The following LRP1B variants were observed in gnomAD, a reference collection of about 807,000 sequenced individuals.
LRP1B encodes low-density lipoprotein receptor-related protein 1B.
In LRP1B, 217 loss-of-function variants were observed where a neutral mutation model predicts 556.6. That is an observed-to-expected ratio of 0.39 (90% CI 0.35 to 0.44). The LOEUF is 0.44. Among genes scored for constraint, LRP1B ranks in the 20% least tolerant of loss-of-function variants. The probability of loss-of-function intolerance (pLI) is 1.00; values close to 1 mark genes in which losing one functional copy is unlikely to be tolerated. For missense variants in LRP1B, 5,053 were observed against 5,620.8 expected, an observed-to-expected ratio of 0.90 and a Z score of 3.23; for synonymous variants, 2,047 against 1,865.8, an observed-to-expected ratio of 1.10 and a Z score of -2.50.
At chr2:141,512,770 T>TAA (rs34559448) in intron 2 of LRP1B, among the ~76,000 whole-genome samples, 8 of 150,104 alleles carry the variant, frequency 5.3e-5, no homozygotes, top group South Asian at 2.1e-4. Context: ...CATCTTCAGT[T>TAA]AAAAAAAAAA....
chr2:141,400,675 T>A (rs1339341689), intron 3 of LRP1B, among the ~76,000 whole-genome samples: 1 of 152,212 alleles, frequency 6.6e-6, no homozygotes, highest in East Asian at 1.9e-4. Context: ...CTTAATATGG[T>A]CCATTTATTT....
Position 140,716,674 on chromosome 2 carries a change from G to C in LRP1B, c.5893+8C>G, listed in dbSNP as rs542281566. ...TGAAACAGAAAGATAAAAAGCCATG[G>C]ATTATACCAGCAATCCAGTCAACAG... On this transcript the variant is annotated splice_region_variant and intron_variant, in intron 36 of 90. Coordinates refer to ENST00000389484, the MANE Select transcript of LRP1B (RefSeq NM_018557.3). 6.2e-7 allele frequency: 1 copy of C among 1,601,800 alleles called. No individual in the cohort carries two copies. The highest frequency in any genetic ancestry group is 1.3e-5 in the African/African-American group (1 of 74,142).
intron 1 of LRP1B, among the ~76,000 whole-genome samples, chr2:141,958,377 T>C (rs2105049164): frequency 6.6e-6 from 1 of 152,092 alleles, no homozygotes; most frequent in South Asian, 2.1e-4. Context: ...ATGAAGTCAT[T>C]TGCAGTAAGC....
At chr2:140,485,290 C>A in intron 59 of LRP1B, 53 bp downstream of exon 59, 1 of 1,406,296 alleles carries the variant, frequency 7.1e-7, no homozygotes, top group Middle Eastern at 1.8e-4. Flanking sequence ...AGATTTACTA[C>A]TATGAATGTA....
At chr2:140,446,335 A>G (rs1041114774) in intron 63 of LRP1B, among the ~76,000 whole-genome samples, 4 of 152,178 alleles carry the variant, frequency 2.6e-5, no homozygotes, top group African/African-American at 9.7e-5. Flanking sequence ...TAAGTGTATT[A>G]GAGTATTATA....
intron 2 of LRP1B, among the ~76,000 whole-genome samples, chr2:141,620,662 C>T (rs1440155779): frequency 1.3e-5 from 2 of 152,128 alleles, no homozygotes; most frequent in African/African-American, 2.4e-5. Context: ...CTGTTCAAAT[C>T]ACTCATGGTG....
intron 20 of LRP1B, among the ~76,000 whole-genome samples, chr2:140,929,856 A>G (rs1266814084): frequency 6.6e-6 from 1 of 151,122 alleles, no homozygotes; most frequent in Non-Finnish European, 1.5e-5. Context: ...TCTCAAACCC[A>G]TTTCTCAATA....
At chr2:141,942,657 G>A (rs1307971457) in intron 1 of LRP1B, among the ~76,000 whole-genome samples, 1 of 152,154 alleles carries the variant, frequency 6.6e-6, no homozygotes, top group Non-Finnish European at 1.5e-5. Context: ...TCCTGAACAA[G>A]ATATCAGATT....
At chr2:140,600,972 C>T (rs943838141) in intron 42 of LRP1B, among the ~76,000 whole-genome samples, 1 of 151,430 alleles carries the variant, frequency 6.6e-6, no homozygotes, top group African/African-American at 2.4e-5. Flanking sequence ...TATTATCAAG[C>T]ACCTAGTGCT....
At chr2:141,223,874 A>G (rs1683138509) in intron 6 of LRP1B, among the ~76,000 whole-genome samples, 1 of 152,196 alleles carries the variant, frequency 6.6e-6, no homozygotes, top group Non-Finnish European at 1.5e-5. Flanking sequence ...CCTTATACAA[A>G]AATTAACTCA....
chr2:140,396,938 A>G (rs1402155205), intron 66 of LRP1B, among the ~76,000 whole-genome samples: 3 of 152,128 alleles, frequency 2.0e-5, no homozygotes, highest in Non-Finnish European at 4.4e-5. Context: ...AGATATTACT[A>G]TAACTTTGTA....
chr2:141,141,616 A>G (rs990042596), intron 7 of LRP1B, among the ~76,000 whole-genome samples: 5 of 152,182 alleles, frequency 3.3e-5, no homozygotes, highest in Admixed American at 6.5e-5. Context: ...AAATTTAATT[A>G]CCACATCCTT....
At chr2:141,272,161 T>C (rs1338925113) in intron 3 of LRP1B, among the ~76,000 whole-genome samples, 1 of 152,056 alleles carries the variant, frequency 6.6e-6, no homozygotes, top group African/African-American at 2.4e-5. Flanking sequence ...TGACTTAATA[T>C]GTATAACAAT....
intron 35 of LRP1B, among the ~76,000 whole-genome samples, chr2:140,745,271 T>C (rs1317212498): frequency 6.6e-6 from 1 of 152,120 alleles, no homozygotes; most frequent in Non-Finnish European, 1.5e-5. Context: ...AAGTTGAAGG[T>C]AAACCCTTTC....
intron 1 of LRP1B, among the ~76,000 whole-genome samples, chr2:142,118,086 C>T (rs1707335264): frequency 6.6e-6 from 1 of 152,214 alleles, no homozygotes; most frequent in African/African-American, 2.4e-5. Context: ...TTTCTTTTGC[C>T]TGCAGAAGGG....
intron 1 of LRP1B, among the ~76,000 whole-genome samples, chr2:141,885,771 G>C (rs78391133): frequency 6.6e-6 from 1 of 152,250 alleles, no homozygotes; most frequent in African/African-American, 2.4e-5. Flanking sequence ...CAGTTCATTG[G>C]TACACTTATT....
At chr2:140,274,669 T>C (rs2104953155) in intron 84 of LRP1B, 71 bp from the exon 85 acceptor site, 1 of 1,279,572 alleles carries the variant, frequency 7.8e-7, no homozygotes, top group Non-Finnish European at 1.1e-6. Context: ...ATAATTAAGG[T>C]GACCCTTTCA....
At chr2:141,198,951 GT>G (rs1348786598) in intron 6 of LRP1B, among the ~76,000 whole-genome samples, 1 of 152,022 alleles carries the variant, frequency 6.6e-6, no homozygotes, top group African/African-American at 2.4e-5. Context: ...TACGCTCCTT[GT>G]TTAGACACTA....
intron 56 of LRP1B, among the ~76,000 whole-genome samples, chr2:140,495,002 T>G (rs1688855235): frequency 1.3e-5 from 2 of 152,178 alleles, no homozygotes; most frequent in East Asian, 3.8e-4. Context: ...CCTAAAGAAT[T>G]AAAGTTATGG....
Sources: allele counts gnomAD v4.1 joint callset (sites outside exome capture counted in the v4.1 genomes callset), GRCh38; gene constraint gnomAD v4.1.1; transcripts MANE v1.5; gene names NCBI Gene and HGNC (gene_info 2026-07-23, HGNC 2026-07-21).